PSG2: variants seen among roughly 807,000 people sequenced by gnomAD.
PSG2 encodes the protein pregnancy specific beta-1-glycoprotein 2.
A neutral mutation model predicts 36.2 loss-of-function variants in PSG2; 49 were observed. The observed-to-expected ratio is 1.35, with a 90% CI of 1.08 to 1.72. PSG2 has a LOEUF of 1.72. Ranked by LOEUF, PSG2 falls within the 40% of genes most tolerant of loss-of-function variation. The probability of loss-of-function intolerance (pLI) is 0.00; values close to 1 mark genes in which losing one functional copy is unlikely to be tolerated. For missense variants in PSG2, 605 were observed against 407.2 expected (o/e 1.49, Z -4.18); for synonymous variants, 261 against 155.6 (o/e 1.68, Z -5.04).
chr19:43,072,680 C>T (rs1157850614), intron 3 of PSG2: 1 of 1,596,528 alleles, frequency 6.3e-7, no homozygotes, highest in Non-Finnish European at 8.5e-7. Context: ...TTTGATTCCT[C>T]CACAGGCATC....
chr19:43,078,354 G>A (rs939400451), intron 2 of PSG2, among the ~76,000 whole-genome samples: 11 of 151,782 alleles, frequency 7.2e-5, no homozygotes, highest in African/African-American at 2.7e-4. Flanking sequence ...TGTTGTCACA[G>A]TTTCTATAAT....
At position 43,073,566 on chromosome 19, in the gene PSG2, T is replaced by C. The variant is rs571391688; in HGVS notation, c.710-1612A>G. 9.2e-5 allele frequency among the ~76,000 whole-genome samples: 14 copies of C among 151,864 alleles called. No individual in the cohort carries two copies. In the South Asian group the frequency reaches 2.7e-3, roughly 29 times the overall value. On this transcript the variant is annotated intron_variant, in intron 3 of 5. Transcript: ENST00000406487. ...AGAGAAGTTTTTCAAATATTTTCTT[T>C]CATTGAACAATCTACTCTGTGATTC...
rs770453618 is a variant in PSG2 at position 43,071,811 on chromosome 19, T to A, written c.853A>T (p.Asn285Tyr). ...GTAGTAATTTGGGGGATAAACAGAT[T>A]TTGTCCTGATTGCTGAAACTTCCCA... Reference protein sequence around the residue: ...INGKFQQSGQNLFIPQITTKH... With the variant: ...INGKFQQSGQYLFIPQITTKH... The change falls in exon 4 of 6, where the codon AAT becomes TAT. Residue 285 changes from asparagine to tyrosine, a missense_variant. Transcript: ENST00000406487. The A allele has an allele frequency of 7.4e-6, 12 of 1,612,912 alleles. No individual in the cohort carries two copies. Among genetic ancestry groups the A allele is most frequent in the Middle Eastern group, 1.6e-4 (1 of 6,082 alleles).
chr19:43,080,409 C>A (rs956321041), intron 2 of PSG2, among the ~76,000 whole-genome samples: 11 of 151,710 alleles, frequency 7.3e-5, no homozygotes, highest in African/African-American at 2.4e-4. Flanking sequence ...TCCCAGTAAG[C>A]CCTGCCCATG....
chr19:43,073,162 G>T (rs1192022913), intron 3 of PSG2, among the ~76,000 whole-genome samples: 2 of 151,852 alleles, frequency 1.3e-5, no homozygotes, highest in Non-Finnish European at 2.9e-5. Flanking sequence ...ACACAGGGGA[G>T]ACCAGAGTCA....
At chr19:43,072,224 G>A (rs1012486603) in intron 3 of PSG2, 1 of 1,483,070 alleles carries the variant, frequency 6.7e-7, no homozygotes, top group African/African-American at 1.4e-5. Context: ...AGGGCAGGGA[G>A]TCATGGCCAG....
intron 3 of PSG2, chr19:43,072,509 C>A (rs1365929063): frequency 1.2e-6 from 2 of 1,611,052 alleles, no homozygotes; most frequent in African/African-American, 2.7e-5. Flanking sequence ...GAGGCTCTGA[C>A]CATTTAGCCA....
chr19:43,070,064 A>G (rs1314061567), intron 4 of PSG2, among the ~76,000 whole-genome samples: 1 of 151,710 alleles, frequency 6.6e-6, no homozygotes, highest in Non-Finnish European at 1.5e-5. Flanking sequence ...TTACACAAAT[A>G]TCCAGTAAGC....
chr19:43,066,311 G>A (rs1967738626), intron 5 of PSG2, among the ~76,000 whole-genome samples: 1 of 151,684 alleles, frequency 6.6e-6, no homozygotes, highest in Non-Finnish European at 1.5e-5. Context: ...GCAGAGGCTG[G>A]AGATAATTAT....
At position 43,075,452 on chromosome 19, in the gene PSG2, A is replaced by G; in HGVS notation, c.611T>C (p.Leu204Pro). ...TGCAGTATACTTTGTGACACCAAAT[A>G]GAAAGAGGGTCCTGTTGGTTTCGGA... ...QLSETNRTLF[L>P]FGVTKYTAGP... The change falls in exon 3 of 6, where the codon CTA becomes CCA. Residue 204 changes from leucine to proline, a missense_variant. Physicochemically the swap from Leu to Pro is moderately conservative, Grantham distance 98 (BLOSUM62 -3). Transcript: ENST00000406487. 6.2e-7 allele frequency: 1 copy of G among 1,613,220 alleles called. No individual in the cohort carries two copies. The highest frequency in any genetic ancestry group is 8.5e-7 in the Non-Finnish European group (1 of 1,179,692).
intron 3 of PSG2, chr19:43,072,202 C>T (rs1402884106): frequency 2.8e-6 from 4 of 1,420,202 alleles, no homozygotes; most frequent in Non-Finnish European, 2.8e-6. Context: ...CTGTGCCTAC[C>T]CAGGTTTTCC....
At chr19:43,071,528 AAGG>A (rs1237298280) in intron 4 of PSG2, among the ~76,000 whole-genome samples, 169 bp downstream of exon 4, 7 of 151,520 alleles carry the variant, frequency 4.6e-5, no homozygotes, top group South Asian at 4.2e-4. Flanking sequence ...ACAGAAAAAC[AAGG>A]AGAAGAGAGT....
At chr19:43,068,050 GT>G (rs1363908245) in intron 4 of PSG2, among the ~76,000 whole-genome samples, 1 of 151,376 alleles carries the variant, frequency 6.6e-6, no homozygotes, top group Non-Finnish European at 1.5e-5. Context: ...GAAACCAAAA[GT>G]TGATTCTTCA....
chr19:43,065,052 G>C (rs1967721499), intron 5 of PSG2, among the ~76,000 whole-genome samples: 2 of 151,538 alleles, frequency 1.3e-5, no homozygotes, highest in African/African-American at 4.9e-5. Flanking sequence ...AACCAGGATG[G>C]TCTCGATCTC....
chr19:43,074,645 T>C (rs959517486), intron 3 of PSG2, among the ~76,000 whole-genome samples: 4 of 151,816 alleles, frequency 2.6e-5, no homozygotes, highest in Admixed American at 1.3e-4. Flanking sequence ...TCTTCCCTGA[T>C]AGCTAGATAG....
chr19:43,070,633 T>C (rs1967802304), intron 4 of PSG2, among the ~76,000 whole-genome samples: 1 of 151,560 alleles, frequency 6.6e-6, no homozygotes, highest in African/African-American at 2.4e-5. Flanking sequence ...TTATAAAAGA[T>C]AGTTAGAATA....
At chr19:43,080,806 C>T in intron 2 of PSG2, 75 bp downstream of exon 2, 1 of 1,611,590 alleles carries the variant, frequency 6.2e-7, no homozygotes, top group Non-Finnish European at 8.5e-7. Flanking sequence ...ACAGTCTAGG[C>T]CTGACAATCC....
intron 1 of PSG2, among the ~76,000 whole-genome samples, chr19:43,081,571 G>A (rs1194544532): frequency 6.6e-6 from 1 of 151,472 alleles, no homozygotes; most frequent in Non-Finnish European, 1.5e-5. Flanking sequence ...GCTCACATCA[G>A]GGTATCCTAA....
intron 3 of PSG2, among the ~76,000 whole-genome samples, chr19:43,072,970 G>C (rs1456531619): frequency 6.6e-6 from 1 of 151,624 alleles, no homozygotes; most frequent in Non-Finnish European, 1.5e-5. Context: ...TCCTTACCTG[G>C]AATGTGCAAC....
Sources: gnomAD v4.1 joint callset for allele counts (sites outside exome capture counted in the v4.1 genomes callset) on GRCh38, gnomAD v4.1.1 for gene constraint, MANE v1.5 for transcripts, NCBI Gene and HGNC (gene_info 2026-07-23, HGNC 2026-07-21) for gene names.